The following ATXN3 variants were observed in gnomAD, a reference collection of about 807,000 sequenced individuals.
The protein encoded by ATXN3 is ataxin 3, also known as ataxin-3.
Under a neutral mutation model 58.2 loss-of-function variants are expected in ATXN3, and 28 were observed. That is an observed-to-expected ratio of 0.48 (90% CI 0.36 to 0.66). The LOEUF is 0.66. ATXN3 is among the 30% of genes least tolerant of loss of function. The pLI is 0.00. For missense variants in ATXN3, 321 were observed against 422.1 expected, an observed-to-expected ratio of 0.76 and a Z score of 2.10; for synonymous variants, 113 against 138.5, an observed-to-expected ratio of 0.82 and a Z score of 1.29.
chr14:92,102,994 T>A (rs576079150), intron 1 of ATXN3, among the ~76,000 whole-genome samples: 132 of 152,208 alleles, frequency 8.7e-4, no homozygotes, highest in African/African-American at 3.1e-3. Context: ...TTCAATCTTT[T>A]CAATAATTTT....
intron 9 of ATXN3, among the ~76,000 whole-genome samples, chr14:92,079,187 A>G (rs1209178983): frequency 6.8e-6 from 1 of 147,994 alleles, no homozygotes; most frequent in African/African-American, 2.5e-5. Flanking sequence ...CTCCATCTCA[A>G]AAAAAAAAAA....
At chr14:92,104,547 G>A (rs1490408241) in intron 1 of ATXN3, among the ~76,000 whole-genome samples, 1 of 152,130 alleles carries the variant, frequency 6.6e-6, no homozygotes, top group African/African-American at 2.4e-5. Flanking sequence ...TAAAAATCTT[G>A]TCTAATTCTC....
At chr14:92,101,659 A>G (rs2066824068) in intron 1 of ATXN3, among the ~76,000 whole-genome samples, 1 of 151,878 alleles carries the variant, frequency 6.6e-6, no homozygotes, top group Non-Finnish European at 1.5e-5. Flanking sequence ...GGAGTTCGAG[A>G]CCAGCCTGGC....
upstream of ATXN3, among the ~76,000 whole-genome samples, chr14:92,052,675 G>A (rs2057452943): frequency 6.6e-6 from 1 of 151,962 alleles, no homozygotes; most frequent in Non-Finnish European, 1.5e-5. Flanking sequence ...TACCACTTTT[G>A]TGCACACCAG....
At chr14:92,071,367 G>C in intron 9 of ATXN3, 2 of 434,832 alleles carry the variant, frequency 4.6e-6, no homozygotes, top group Admixed American at 3.1e-5. Flanking sequence ...AGGCCGAGGC[G>C]GGTGGATGGC....
chr14:92,072,167 A>T (rs1227222636), intron 9 of ATXN3, among the ~76,000 whole-genome samples: 1 of 152,244 alleles, frequency 6.6e-6, no homozygotes, highest in African/African-American at 2.4e-5. Context: ...TCCCCATTTT[A>T]AAATGTTTAA....
chr14:92,061,556 T>C lies in ATXN3; in HGVS notation c.*2764A>G, dbSNP rs947566830. 2 of 152,184 alleles carry C rather than the reference T, an allele frequency of 1.3e-5. No individual in the cohort carries two copies. Among genetic ancestry groups the C allele is most frequent in the Admixed American group, 6.5e-5 (1 of 15,270 alleles). The allele number at this position is 152,184 out of a possible 1,614,324, so 9.4% of individuals were successfully genotyped here. On this transcript the variant is annotated 3_prime_UTR_variant, in exon 11 of 11. Transcript: ENST00000644486. ...GATCCCAGTAATACAAATTATACAT[T>C]AGAAAAATGATACCAATAGTTTAAA...
At chr14:92,055,209 G>A (rs550622563), downstream of ATXN3, among the ~76,000 whole-genome samples, 12 of 152,000 alleles carry the variant, frequency 7.9e-5, no homozygotes, top group African/African-American at 1.4e-4. The surrounding 1 kb of genome is among the most constrained non-coding windows in gnomAD (Gnocchi z 4.5). Flanking sequence ...ACAACCAAAC[G>A]TAATCCAATG....
chr14:92,106,326 C>A (rs1448436255), intron 1 of ATXN3, among the ~76,000 whole-genome samples: 2 of 151,870 alleles, frequency 1.3e-5, no homozygotes, highest in African/African-American at 4.8e-5. Flanking sequence ...GCTCCCAGGG[C>A]GGGGGCCGCG....
At position 92,081,184 on chromosome 14, in the gene ATXN3, T is replaced by C. The variant is rs1595738140; in HGVS notation, c.776-123A>G. ...CGTTTTCTCTTTAAGAATATTCTACTCTTCTGGCTGGGCGTGGTGGCTCAC... is the reference window on the plus strand; with the variant it reads ...CGTTTTCTCTTTAAGAATATTCTACCCTTCTGGCTGGGCGTGGTGGCTCAC... On this transcript the variant is annotated intron_variant, in intron 8 of 10. Coordinates refer to ENST00000644486, the MANE Select transcript of ATXN3 (RefSeq NM_004993.6). 1.1e-5 allele frequency: 7 copies of C among 656,180 alleles called. No individual in the cohort carries two copies. In the East Asian group the frequency reaches 2.2e-4, roughly 20 times the overall value. The allele number at this position is 656,180 out of a possible 1,614,324, so 40.6% of individuals were successfully genotyped here. A position where few individuals can be genotyped will look rare whatever the true frequency, so the allele number is the denominator to read the frequency against.
chr14:92,077,343 G>A (rs1445326084), intron 9 of ATXN3, among the ~76,000 whole-genome samples: 3 of 132,514 alleles, frequency 2.3e-5, no homozygotes, highest in Non-Finnish European at 4.7e-5. Context: ...GGAGGTGAGA[G>A]TATGCTTTCT....
chr14:92,079,495 A>G, intron 9 of ATXN3: 2 of 933,632 alleles, frequency 2.1e-6, no homozygotes, highest in Non-Finnish European at 2.6e-6. Context: ...AAAAAAAGGT[A>G]AATATTTTCT....
intron 9 of ATXN3, among the ~76,000 whole-genome samples, chr14:92,079,218 G>A (rs1040960522): frequency 6.7e-6 from 1 of 148,562 alleles, no homozygotes; most frequent in Non-Finnish European, 1.5e-5. Context: ...AAGATTGGCC[G>A]TGTGCTAGTA....
chr14:92,066,304 A>G (rs1192189267), intron 10 of ATXN3, among the ~76,000 whole-genome samples: 1 of 152,140 alleles, frequency 6.6e-6, no homozygotes, highest in Non-Finnish European at 1.5e-5. Flanking sequence ...AATATTTCCA[A>G]TATATATACT....
In ATXN3 at chr14:92,069,530, G is replaced by A. The variant is rs1454784715; in HGVS notation, c.991+1405C>T. Reference sequence around the variant, plus strand: ...CTGGACTACAGGTGCCTGCCATCACGCCTGGCTAATTTTTGTATTTTAAGT... The same window carrying A: ...CTGGACTACAGGTGCCTGCCATCACACCTGGCTAATTTTTGTATTTTAAGT... On this transcript the variant is annotated intron_variant, in intron 10 of 10. Transcript: ENST00000644486. 4.6e-5 allele frequency among the ~76,000 whole-genome samples: 7 copies of A among 151,588 alleles called. No homozygotes were observed. The South Asian group carries it at 6.2e-4, about 14-fold the overall frequency.
chr14:92,090,108 A>G (rs1166634735), intron 5 of ATXN3, among the ~76,000 whole-genome samples: 1 of 152,134 alleles, frequency 6.6e-6, no homozygotes, highest in African/African-American at 2.4e-5. Flanking sequence ...TATCACATAT[A>G]ACATATAAAC....
At chr14:92,093,208 G>A (rs765412392) in intron 5 of ATXN3, 44 bp downstream of exon 5, 40 of 1,334,836 alleles carry the variant, frequency 3.0e-5, no homozygotes, top group South Asian at 1.4e-4. Flanking sequence ...TTTAAATGGG[G>A]TACAATATAA....
chr14:92,094,734 G>A (rs1481007557), intron 3 of ATXN3, among the ~76,000 whole-genome samples: 1 of 152,206 alleles, frequency 6.6e-6, no homozygotes, highest in Non-Finnish European at 1.5e-5. Context: ...AGCAAAGACA[G>A]AAATTGAGTG....
At chr14:92,065,394 T>C (rs1351293896) in intron 10 of ATXN3, among the ~76,000 whole-genome samples, 1 of 152,222 alleles carries the variant, frequency 6.6e-6, no homozygotes, top group East Asian at 1.9e-4. Flanking sequence ...TTATGACAAG[T>C]AAAGCTGCTA....
Sources: gnomAD v4.1 joint callset for allele counts (sites outside exome capture counted in the v4.1 genomes callset) on GRCh38, gnomAD v4.1.1 for gene constraint, Gnocchi (gnomAD v3.1) non-coding constraint, MANE v1.5 for transcripts, NCBI Gene and HGNC (gene_info 2026-07-23, HGNC 2026-07-21) for gene names.